The following TSPAN12 variants were observed in gnomAD, a reference collection of about 807,000 sequenced individuals.
TSPAN12 encodes the protein tetraspanin-12.
TSPAN12 carries 19 observed loss-of-function variants against 39.2 expected under a neutral mutation model. That is an observed-to-expected ratio of 0.49 (90% CI 0.34 to 0.71). The LOEUF is 0.71. TSPAN12 is among the 30% of genes least tolerant of loss of function. TSPAN12 has a pLI of 0.01. For synonymous variants in TSPAN12, 119 were observed against 124.8 expected (o/e 0.95, Z 0.31); for missense variants, 314 against 359.9 (o/e 0.87, Z 1.03).
intron 2 of TSPAN12, among the ~76,000 whole-genome samples, chr7:120,840,412 T>C (rs1562951488): frequency 6.6e-6 from 1 of 152,108 alleles, no homozygotes; most frequent in South Asian, 2.1e-4. Context: ...ATCAAACATA[T>C]AAGATGTGTC....
chr7:120,829,325 T>C (rs1794346599), intron 4 of TSPAN12, among the ~76,000 whole-genome samples: 1 of 152,072 alleles, frequency 6.6e-6, no homozygotes, highest in Non-Finnish European at 1.5e-5. Context: ...CTTTCTTTAA[T>C]TCATAATCTT....
intron 4 of TSPAN12, among the ~76,000 whole-genome samples, chr7:120,823,371 A>G (rs1794225494): frequency 6.6e-6 from 1 of 152,172 alleles, no homozygotes; most frequent in African/African-American, 2.4e-5. Flanking sequence ...ACCAGAAGGA[A>G]GTAATTCAGA....
intron 1 of TSPAN12, chr7:120,857,135 A>G (rs570780394): frequency 3.2e-5 from 12 of 369,552 alleles, no homozygotes; most frequent in African/African-American, 2.3e-4. Flanking sequence ...GTGCATTCTG[A>G]TGAGACGCTC....
chr7:120,809,904 G>C (rs1339525656), intron 6 of TSPAN12, among the ~76,000 whole-genome samples: 1 of 152,174 alleles, frequency 6.6e-6, no homozygotes, highest in Non-Finnish European at 1.5e-5. Flanking sequence ...CCTGAAGAGA[G>C]AGGTATTTTT....
At chr7:120,828,874 T>C (rs1794338521) in intron 4 of TSPAN12, among the ~76,000 whole-genome samples, 1 of 152,132 alleles carries the variant, frequency 6.6e-6, no homozygotes, top group African/African-American at 2.4e-5. Context: ...ATGATTCATA[T>C]TCTACTTAAT....
chr7:120,802,193 C>A (rs1015507207), intron 7 of TSPAN12, among the ~76,000 whole-genome samples: 14 of 152,166 alleles, frequency 9.2e-5, no homozygotes, highest in African/African-American at 3.4e-4. Flanking sequence ...TTGCCAAGGC[C>A]AAGTCTTACA....
chr7:120,831,763 A>G (rs1288686647), intron 4 of TSPAN12, among the ~76,000 whole-genome samples: 1 of 152,036 alleles, frequency 6.6e-6, no homozygotes. Context: ...GTATAAGTGT[A>G]TATTTAATAA....
chr7:120,802,436 C>CA (rs1009566746), intron 7 of TSPAN12, among the ~76,000 whole-genome samples: 35 of 152,308 alleles, frequency 2.3e-4, no homozygotes, highest in African/African-American at 8.2e-4. Context: ...CCCTCACCAA[C>CA]AAAGCTCCAG....
At chr7:120,821,892 G>T (rs10225453) in intron 4 of TSPAN12, among the ~76,000 whole-genome samples, 59,942 of 151,968 alleles carry the variant, frequency 0.39, 14,359 homozygotes, top group African/African-American at 0.68. Flanking sequence ...CAAAGGCTAT[G>T]ACATGAACTT....
At chr7:120,809,380 T>C (rs1050088134) in intron 6 of TSPAN12, among the ~76,000 whole-genome samples, 6 of 152,174 alleles carry the variant, frequency 3.9e-5, no homozygotes, top group Non-Finnish European at 8.8e-5. Context: ...ATTTTCTCTT[T>C]GTGTTGTTTT....
intron 4 of TSPAN12, among the ~76,000 whole-genome samples, chr7:120,825,203 C>G (rs896263856): frequency 6.6e-6 from 1 of 151,974 alleles, no homozygotes; most frequent in African/African-American, 2.4e-5. Flanking sequence ...ATCACAGAAT[C>G]CCCCTCAATA....
At chr7:120,850,055 G>T in intron 2 of TSPAN12, among the ~76,000 whole-genome samples, 1 of 152,224 alleles carries the variant, frequency 6.6e-6, no homozygotes, top group East Asian at 1.9e-4. Context: ...AAGGGCAGAA[G>T]GAAAGAGAGC....
intron 5 of TSPAN12, among the ~76,000 whole-genome samples, chr7:120,813,702 T>C (rs1314213435): frequency 1.3e-5 from 2 of 152,142 alleles, no homozygotes; most frequent in Non-Finnish European, 2.9e-5. Context: ...CCAGAACTAA[T>C]GATAAGATGT....
rs114345796 is a variant in TSPAN12 at position 120,798,180 on chromosome 7, C to G, written c.612+8369G>C. ...AGAAAAGAAGAATGCATTTGTATAC[C>G]TGAAACAAAACTGGCAAAATAGTTC... On this transcript the variant is annotated intron_variant, in intron 7 of 7. Transcript: ENST00000222747. 6.4e-3 allele frequency among the ~76,000 whole-genome samples: 977 copies of G among 152,278 alleles called. 9 individuals are homozygous for G. The highest frequency in any genetic ancestry group is 0.023 in the African/African-American group (942 of 41,560).
At chr7:120,851,355 A>G (rs1222605823) in intron 2 of TSPAN12, among the ~76,000 whole-genome samples, 1 of 152,226 alleles carries the variant, frequency 6.6e-6, no homozygotes, top group Non-Finnish European at 1.5e-5. Flanking sequence ...ACTTTCTTTT[A>G]TAAGTTACTT....
intron 7 of TSPAN12, among the ~76,000 whole-genome samples, chr7:120,802,603 T>C (rs977338257): frequency 3.9e-5 from 6 of 152,186 alleles, no homozygotes; most frequent in African/African-American, 1.2e-4. Flanking sequence ...ACTATATCCC[T>C]AGCATTTAGA....
intron 4 of TSPAN12, among the ~76,000 whole-genome samples, chr7:120,823,208 G>A (rs908375030): frequency 5.3e-5 from 8 of 151,900 alleles, no homozygotes; most frequent in African/African-American, 1.9e-4. Context: ...ATTCCAGAAC[G>A]GTAGTAAAGG....
At chr7:120,849,006 C>G (rs1383047181) in intron 2 of TSPAN12, among the ~76,000 whole-genome samples, 1 of 152,170 alleles carries the variant, frequency 6.6e-6, no homozygotes, top group Non-Finnish European at 1.5e-5. Flanking sequence ...TGCTAATTTT[C>G]CAAAGTAACT....
intron 7 of TSPAN12, among the ~76,000 whole-genome samples, chr7:120,805,039 C>T (rs1230465751): frequency 6.6e-6 from 1 of 152,172 alleles, no homozygotes; most frequent in Non-Finnish European, 1.5e-5. Flanking sequence ...AATAAATTTA[C>T]GTTGTCAGAG....
Sources: allele counts gnomAD v4.1 joint callset (sites outside exome capture counted in the v4.1 genomes callset), GRCh38; gene constraint gnomAD v4.1.1; transcripts MANE v1.5; gene names NCBI Gene and HGNC (gene_info 2026-07-23, HGNC 2026-07-21).